The following MACROD2 variants were observed in gnomAD, a reference collection of about 807,000 sequenced individuals.
MACROD2 encodes the protein ADP-ribose glycohydrolase MACROD2.
MACROD2 carries 36 observed loss-of-function variants against 70.4 expected under a neutral mutation model. That is an observed-to-expected ratio of 0.51 (90% CI 0.39 to 0.68). The LOEUF (loss-of-function observed/expected upper bound fraction) is 0.68. MACROD2 is among the 30% of genes least tolerant of loss of function. MACROD2 has a pLI of 0.00. For synonymous variants in MACROD2, 172 were observed against 178.8 expected (o/e 0.96, Z 0.30); for missense variants, 496 against 538.4 (o/e 0.92, Z 0.78).
intron 12 of MACROD2, among the ~76,000 whole-genome samples, chr20:15,951,910 C>T (rs772795196): frequency 6.6e-5 from 10 of 152,138 alleles, no homozygotes; most frequent in South Asian, 2.1e-4. Context: ...CTATCCTAAA[C>T]GTGTTATGTG....
intron 3 of MACROD2, among the ~76,000 whole-genome samples, chr20:14,293,181 T>C (rs763928811): frequency 6.6e-6 from 1 of 151,692 alleles, no homozygotes; most frequent in Non-Finnish European, 1.5e-5. Flanking sequence ...CAAATATTAT[T>C]GAGCACCTAC....
intron 5 of MACROD2, among the ~76,000 whole-genome samples, chr20:14,789,071 C>T (rs559146135): frequency 9.9e-5 from 15 of 151,664 alleles, no homozygotes; most frequent in East Asian, 5.8e-4. Flanking sequence ...GCCTGGTCCC[C>T]GTGTTATTTT....
chr20:15,862,548 G>A (rs1431293164), intron 8 of MACROD2, among the ~76,000 whole-genome samples, 197 bp from the exon 9 acceptor site: 1 of 151,802 alleles, frequency 6.6e-6, no homozygotes, highest in East Asian at 1.9e-4. Context: ...TTTATATACA[G>A]AGTACACACA....
intron 8 of MACROD2, among the ~76,000 whole-genome samples, chr20:15,743,234 G>A (rs572001393): frequency 1.2e-4 from 19 of 152,182 alleles, no homozygotes; most frequent in African/African-American, 3.6e-4. Context: ...GAATCCCCAC[G>A]AGGATCTCAG....
intron 5 of MACROD2, among the ~76,000 whole-genome samples, chr20:15,174,764 G>A (rs976989258): frequency 2.0e-5 from 3 of 152,190 alleles, no homozygotes; most frequent in East Asian, 1.9e-4. Context: ...GTGATGGTGA[G>A]CATTTTTTCA....
chr20:14,470,126 T>C (rs2084510116), intron 3 of MACROD2, among the ~76,000 whole-genome samples: 1 of 152,168 alleles, frequency 6.6e-6, no homozygotes. Flanking sequence ...GTGGACATCC[T>C]TTTTGTTGAT....
intron 2 of MACROD2, among the ~76,000 whole-genome samples, chr20:14,048,319 G>C (rs530985779): frequency 1.3e-5 from 2 of 152,308 alleles, no homozygotes; most frequent in African/African-American, 4.8e-5. Context: ...AAGCAATCAT[G>C]ATGAATGAGG....
At chr20:15,776,265 G>A (rs532724666) in intron 8 of MACROD2, among the ~76,000 whole-genome samples, 5 of 152,202 alleles carry the variant, frequency 3.3e-5, no homozygotes, top group African/African-American at 1.2e-4. Context: ...ATACTCCCAA[G>A]TATCTGACTC....
intron 3 of MACROD2, among the ~76,000 whole-genome samples, chr20:14,486,529 T>A (rs913224386): frequency 8.9e-5 from 13 of 145,300 alleles, no homozygotes; most frequent in African/African-American, 3.3e-4. Context: ...ATTTTATTTT[T>A]TTTTTTTGAG....
intron 4 of MACROD2, among the ~76,000 whole-genome samples, chr20:14,605,287 T>C (rs1485526949): frequency 1.3e-5 from 2 of 152,136 alleles, no homozygotes; most frequent in African/African-American, 2.4e-5. Flanking sequence ...GAGAATCTGT[T>C]CCATGCTGGT....
intron 5 of MACROD2, among the ~76,000 whole-genome samples, chr20:15,019,698 A>C (rs765698726): frequency 6.6e-6 from 1 of 152,126 alleles, no homozygotes; most frequent in Non-Finnish European, 1.5e-5. Flanking sequence ...TAATAAAAGA[A>C]AAAAATGAAG....
intron 3 of MACROD2, among the ~76,000 whole-genome samples, chr20:14,373,991 T>G (rs2122754981): frequency 6.6e-6 from 1 of 152,276 alleles, no homozygotes. Context: ...AGAGATAATT[T>G]TATCATCTTA....
chr20:14,572,019 C>G (rs1980227268), intron 4 of MACROD2, among the ~76,000 whole-genome samples: 1 of 151,998 alleles, frequency 6.6e-6, no homozygotes, highest in South Asian at 2.1e-4. Flanking sequence ...AGTGTTTGCT[C>G]AATATATTTT....
chr20:14,427,496 T>C (rs182191844), intron 3 of MACROD2, among the ~76,000 whole-genome samples: 145 of 151,152 alleles, frequency 9.6e-4, no homozygotes, highest in Non-Finnish European at 1.6e-3. Context: ...ATATCTAGTA[T>C]CAAATATATA....
chr20:15,867,387 A>T (rs896545570), intron 9 of MACROD2, among the ~76,000 whole-genome samples: 2 of 152,146 alleles, frequency 1.3e-5, no homozygotes, highest in Non-Finnish European at 2.9e-5. Flanking sequence ...ACAGTTTTAT[A>T]TCTTGCTGTG....
At chr20:15,636,968 C>G (rs566858558) in intron 8 of MACROD2, among the ~76,000 whole-genome samples, 114 of 152,276 alleles carry the variant, frequency 7.5e-4, no homozygotes, top group Middle Eastern at 3.4e-3. Flanking sequence ...CTCCAGGAAG[C>G]CACTTCACTG....
chr20:14,993,222 T>A (rs1490260599), intron 5 of MACROD2, among the ~76,000 whole-genome samples: 1 of 152,064 alleles, frequency 6.6e-6, no homozygotes, highest in Non-Finnish European at 1.5e-5. Context: ...GGATTTCAGA[T>A]GAATTCAGAT....
intron 5 of MACROD2, among the ~76,000 whole-genome samples, chr20:14,747,413 C>T (rs1365383240): frequency 1.3e-5 from 2 of 152,032 alleles, no homozygotes; most frequent in African/African-American, 4.8e-5. Context: ...GTAGTGAGGT[C>T]TTAGAATGAG....
At chr20:14,528,121 T>TA (rs1480695900) in intron 4 of MACROD2, among the ~76,000 whole-genome samples, 1 of 151,886 alleles carries the variant, frequency 6.6e-6, no homozygotes. Flanking sequence ...CTTTTTTTTT[T>TA]TTTTTGAGAT....
Sources: allele counts gnomAD v4.1 joint callset (sites outside exome capture counted in the v4.1 genomes callset), GRCh38; gene constraint gnomAD v4.1.1; transcripts MANE v1.5; gene names NCBI Gene and HGNC (gene_info 2026-07-23, HGNC 2026-07-21).